The following CWC27 variants were observed in gnomAD, a reference collection of about 807,000 sequenced individuals.
The protein encoded by CWC27 is spliceosome-associated protein CWC27 homolog.
Under a neutral mutation model 63.6 loss-of-function variants are expected in CWC27, and 47 were observed. That is an observed-to-expected ratio of 0.74 (90% CI 0.58 to 0.94). CWC27 has a LOEUF of 0.94. CWC27 is among the 40% of genes least tolerant of loss of function. CWC27 has a pLI of 0.00. For missense variants in CWC27, 495 were observed against 554.3 expected, an observed-to-expected ratio of 0.89 and a Z score of 1.07; for synonymous variants, 175 against 179.8, an observed-to-expected ratio of 0.97 and a Z score of 0.22.
intron 11 of CWC27, among the ~76,000 whole-genome samples, chr5:64,888,957 A>G (rs1051971154): frequency 1.3e-5 from 2 of 152,176 alleles, no homozygotes; most frequent in Admixed American, 1.3e-4. Flanking sequence ...GACAGAAGAC[A>G]TTGTGTTACT....
chr5:64,816,794 A>G (rs767932189), intron 10 of CWC27, among the ~76,000 whole-genome samples: 1 of 152,168 alleles, frequency 6.6e-6, no homozygotes. Context: ...ATGGGAATAC[A>G]GCAGGGAGGA....
intron 10 of CWC27, among the ~76,000 whole-genome samples, chr5:64,808,876 G>A (rs2112224286): frequency 6.6e-6 from 1 of 152,280 alleles, no homozygotes; most frequent in Middle Eastern, 3.4e-3. Flanking sequence ...ATTCAGAATT[G>A]TCTGGTCTGA....
At chr5:64,909,655 A>G (rs1389064721) in intron 11 of CWC27, among the ~76,000 whole-genome samples, 1 of 151,920 alleles carries the variant, frequency 6.6e-6, no homozygotes, top group Non-Finnish European at 1.5e-5. Flanking sequence ...TTTTTCTGTA[A>G]TCTTGTCTTC....
chr5:64,880,391 T>C (rs776201065), intron 10 of CWC27, among the ~76,000 whole-genome samples: 2 of 151,984 alleles, frequency 1.3e-5, no homozygotes, highest in Non-Finnish European at 2.9e-5. Flanking sequence ...GTGTTTATTT[T>C]ATCTTCATAA....
At chr5:64,942,841 T>A (rs764014959) in intron 11 of CWC27, among the ~76,000 whole-genome samples, 3 of 152,240 alleles carry the variant, frequency 2.0e-5, no homozygotes, top group Non-Finnish European at 2.9e-5. Flanking sequence ...ATTTTATGCC[T>A]GTGCATATAA....
intron 7 of CWC27, among the ~76,000 whole-genome samples, chr5:64,798,125 C>A (rs191925019): frequency 6.6e-6 from 1 of 152,280 alleles, no homozygotes; most frequent in East Asian, 1.9e-4. Context: ...AAAAGATGTT[C>A]AGGCTTTTAT....
In CWC27 at chr5:64,829,993, G is replaced by A. The variant is rs533379081; in HGVS notation, c.938+25607G>A. 2.2e-3 allele frequency among the ~76,000 whole-genome samples: 250 copies of A among 115,224 alleles called. 2 individuals are homozygous for A. The highest frequency in any genetic ancestry group is 1.5e-3 in the Non-Finnish European group (81 of 55,302). 75.6% of individuals were successfully genotyped at this position (115,224 alleles called of 152,430 possible). ...TGAACTCATCTTTTTTTTTTTTTTC[G>A]CTATGCCATTTTTTTTTCTTTTCTT... On this transcript the variant is annotated intron_variant, in intron 10 of 13. Coordinates refer to ENST00000381070, the MANE Select transcript of CWC27 (RefSeq NM_005869.4).
At chr5:64,804,583 C>T in intron 10 of CWC27, 197 bp downstream of exon 10, 1 of 494,234 alleles carries the variant, frequency 2.0e-6, no homozygotes, top group Non-Finnish European at 3.5e-6. Flanking sequence ...AACAATGATC[C>T]TATGAGTTCA....
chr5:64,990,271 T>G lies in CWC27; in HGVS notation c.1256+13033T>G, dbSNP rs1480093750. On this transcript the variant is annotated intron_variant, in intron 13 of 13. Coordinates refer to ENST00000381070, the MANE Select transcript of CWC27 (RefSeq NM_005869.4). Reference sequence around the variant, plus strand: ...TTTTTGTTTTTTTTTTTTTTGTTTTTTTTTTTTTTTTGAGACGGAGTCTCG... The same window carrying G: ...TTTTTGTTTTTTTTTTTTTTGTTTTGTTTTTTTTTTTGAGACGGAGTCTCG... Among the ~76,000 whole-genome samples, 35 of 79,784 alleles carry G rather than the reference T, an allele frequency of 4.4e-4. 5 individuals are homozygous for G. The highest frequency in any genetic ancestry group is 6.1e-4 in the Non-Finnish European group (23 of 37,638). The allele number at this position is 79,784 out of a possible 152,430, so 52.3% of individuals were successfully genotyped here.
At chr5:64,807,547 A>G (rs1423316300) in intron 10 of CWC27, 12 of 1,470,048 alleles carry the variant, frequency 8.2e-6, no homozygotes, top group Non-Finnish European at 1.1e-5. Flanking sequence ...TAGGATTTCT[A>G]ATCCCTTGTC....
At chr5:64,960,924 T>G (rs935470126) in intron 11 of CWC27, among the ~76,000 whole-genome samples, 2 of 149,844 alleles carry the variant, frequency 1.3e-5, no homozygotes, top group South Asian at 2.1e-4. Context: ...AATACACTGT[T>G]TTTTTTTTTT....
intron 11 of CWC27, among the ~76,000 whole-genome samples, chr5:64,918,041 A>C (rs939801722): frequency 3.3e-5 from 5 of 152,232 alleles, no homozygotes; most frequent in African/African-American, 1.2e-4. Flanking sequence ...CTTGAAAAAA[A>C]AATTTTTCAG....
At chr5:65,010,038 G>A (rs1473891404) in intron 13 of CWC27, among the ~76,000 whole-genome samples, 1 of 152,186 alleles carries the variant, frequency 6.6e-6, no homozygotes, top group East Asian at 1.9e-4. Context: ...ACTTTCTCCA[G>A]TAATAGTGAC....
intron 10 of CWC27, among the ~76,000 whole-genome samples, chr5:64,841,950 G>A (rs998102134): frequency 6.6e-6 from 1 of 152,116 alleles, no homozygotes; most frequent in Non-Finnish European, 1.5e-5. Flanking sequence ...AAAGTGCTGG[G>A]ATTACAGGCA....
rs1744450514 is a variant in CWC27, at chr5:64,800,454, GC to G, written c.749+128del. On this transcript the variant is annotated intron_variant, in intron 8 of 13. Coordinates refer to ENST00000381070, the MANE Select transcript of CWC27 (RefSeq NM_005869.4). ...TTTTTAAGCCAGCCAAAAAAATAAA[GC>G]ATTTTGATAACAGAGATAGAGAACT... 65 of 558,686 alleles carry G rather than the reference GC, an allele frequency of 1.2e-4. No individual in the cohort carries two copies. In the South Asian group the frequency reaches 1.9e-3, roughly 16 times the overall value. The allele number at this position is 558,686 out of a possible 1,614,324, so 34.6% of individuals were successfully genotyped here. A position where few individuals can be genotyped will look rare whatever the true frequency, so the allele number is the denominator to read the frequency against.
chr5:64,985,809 A>C (rs1749413763), intron 13 of CWC27, among the ~76,000 whole-genome samples: 1 of 152,208 alleles, frequency 6.6e-6, no homozygotes, highest in South Asian at 2.1e-4. Flanking sequence ...GTGAGTAGAC[A>C]TTCTTCCTTT....
At chr5:64,889,856 A>G (rs1747181786) in intron 11 of CWC27, among the ~76,000 whole-genome samples, 1 of 152,132 alleles carries the variant, frequency 6.6e-6, no homozygotes, top group African/African-American at 2.4e-5. Context: ...GCCTGTGCAT[A>G]AGGTTGTTGT....
At chr5:65,011,416 C>T (rs1749954691) in intron 13 of CWC27, among the ~76,000 whole-genome samples, 1 of 152,156 alleles carries the variant, frequency 6.6e-6, no homozygotes, top group Admixed American at 6.5e-5. Flanking sequence ...GGAACCATTT[C>T]TAAGATGGAG....
At chr5:64,782,090 C>T in intron 3 of CWC27, 57 bp downstream of exon 3, 2 of 927,738 alleles carry the variant, frequency 2.2e-6, no homozygotes, top group Non-Finnish European at 1.6e-6. Flanking sequence ...ATTTCCAAGT[C>T]AGTTTGGATT....
Sources: allele counts gnomAD v4.1 joint callset (sites outside exome capture counted in the v4.1 genomes callset), GRCh38; gene constraint gnomAD v4.1.1; transcripts MANE v1.5; gene names NCBI Gene and HGNC (gene_info 2026-07-23, HGNC 2026-07-21).